NUMB: variants seen among roughly 807,000 people sequenced by gnomAD.
NUMB encodes the protein NUMB endocytic adaptor protein.
NUMB carries 29 observed loss-of-function variants against 59.7 expected under a neutral mutation model. That is an observed-to-expected ratio of 0.49 (90% CI 0.36 to 0.66). The LOEUF is 0.66. Among genes scored for constraint, NUMB ranks in the 30% least tolerant of loss-of-function variants. The pLI, the probability that NUMB is intolerant of heterozygous loss-of-function variation, is 0.00. For missense variants in NUMB, 723 were observed against 822.0 expected (o/e 0.88, Z 1.47); for synonymous variants, 288 against 288.2 (o/e 1.00, Z 0.01).
At chr14:73,369,410 T>C (rs1372341317) in intron 2 of NUMB, among the ~76,000 whole-genome samples, 4 of 152,186 alleles carry the variant, frequency 2.6e-5, no homozygotes, top group Admixed American at 6.5e-5. Flanking sequence ...CTTCAAACAC[T>C]GTACTTAGAA....
chr14:73,361,285 T>C (rs1894085360), intron 3 of NUMB, among the ~76,000 whole-genome samples: 1 of 152,206 alleles, frequency 6.6e-6, no homozygotes, highest in African/African-American at 2.4e-5. Context: ...TTGCTAAAGG[T>C]AGAAAGCATT....
chr14:73,385,308 CT>C (rs1174960370), intron 2 of NUMB, among the ~76,000 whole-genome samples: 221 of 112,292 alleles, frequency 2.0e-3, no homozygotes, highest in African/African-American at 4.8e-3. Context: ...CCAGTTAATT[CT>C]TTTTTTTTTT....
At position 73,419,905 on chromosome 14, in the gene NUMB, G is replaced by A. The variant is rs189455941; in HGVS notation, c.-232-9837C>T. On this transcript the variant is annotated intron_variant, in intron 1 of 12. Coordinates refer to ENST00000555238, the MANE Select transcript of NUMB (RefSeq NM_001005743.2). ...TTTTGAGAAAGAGTCTTGCCCTGTC[G>A]CCCAGAATGGAGTGCAGTAGTGCCA... Among the ~76,000 whole-genome samples, 465 of 152,254 alleles carry A rather than the reference G, an allele frequency of 3.1e-3. 3 individuals carry two copies. Among genetic ancestry groups the A allele is most frequent in the African/African-American group, 0.01 (425 of 41,568 alleles).
chr14:73,421,946 C>G (rs1032826409), intron 1 of NUMB, among the ~76,000 whole-genome samples: 8 of 152,108 alleles, frequency 5.3e-5, no homozygotes, highest in Non-Finnish European at 8.8e-5. Context: ...TGAGCCCAGC[C>G]TGGCCAACAT....
In NUMB at chr14:73,287,127, A is replaced by T. The variant is rs906009569; in HGVS notation, c.638T>A (p.Met213Lys). The change falls in exon 9 of 13, where the codon ATG (methionine) becomes AAG (lysine). Residue 213 changes from methionine to lysine, a missense_variant. Physicochemically the swap from Met to Lys is moderately conservative, Grantham distance 95. Transcript: ENST00000555238. Reference protein sequence around the residue: ...QAEREEIMKQMQDAKKAETDK... With the variant: ...QAEREEIMKQKQDAKKAETDK... Reference sequence around the variant, plus strand: ...GATTGTACCTTTCTTGGCATCTTGCATTTGTTTCATGATCTCCTCTCTTTC... The same window carrying T: ...GATTGTACCTTTCTTGGCATCTTGCTTTTGTTTCATGATCTCCTCTCTTTC... 6.2e-7 allele frequency: 1 copy of T among 1,613,864 alleles called. No individual in the cohort carries two copies. The highest frequency in any genetic ancestry group is 1.3e-5 in the African/African-American group (1 of 74,886).
chr14:73,279,164 A>C, intron 12 of NUMB, 117 bp downstream of exon 12: 1 of 1,126,118 alleles, frequency 8.9e-7, no homozygotes, highest in Non-Finnish European at 1.3e-6. Flanking sequence ...CTAGGAGGGA[A>C]CATAGTTTTC....
At position 73,369,364 on chromosome 14, in the gene NUMB, T is replaced by C. The variant is rs775366747; in HGVS notation, c.-100-2383A>G. ...CCCTAGAACATTTTCAAAAAGAAAT[T>C]TGACAATAATAGCCATATCTTCAAT... On this transcript the variant is annotated intron_variant, in intron 2 of 12. Coordinates refer to ENST00000555238, the MANE Select transcript of NUMB (RefSeq NM_001005743.2). Among the ~76,000 whole-genome samples, 84 of 152,262 alleles carry C rather than the reference T, an allele frequency of 5.5e-4. 1 individual carries two copies. Among genetic ancestry groups the C allele is most frequent in the Admixed American group, 1.4e-3 (21 of 15,258 alleles).
chr14:73,334,742 C>T (rs1484925417), intron 4 of NUMB, among the ~76,000 whole-genome samples: 2 of 151,830 alleles, frequency 1.3e-5, no homozygotes, highest in Non-Finnish European at 2.9e-5. Context: ...GTCAGGAGTT[C>T]GAGACCAACC....
chr14:73,448,985 A>T (rs1424545808), intron 1 of NUMB, among the ~76,000 whole-genome samples: 1 of 143,368 alleles, frequency 7.0e-6, no homozygotes, highest in African/African-American at 2.5e-5. Context: ...TCTTGCATCA[A>T]ATATATTCGG....
At chr14:73,383,980 G>A (rs1204355542) in intron 2 of NUMB, among the ~76,000 whole-genome samples, 1 of 151,950 alleles carries the variant, frequency 6.6e-6, no homozygotes, top group Non-Finnish European at 1.5e-5. Context: ...TCATGCCACT[G>A]CACTCCAGCC....
At chr14:73,359,271 A>G (rs991009362) in intron 3 of NUMB, among the ~76,000 whole-genome samples, 9 of 152,178 alleles carry the variant, frequency 5.9e-5, no homozygotes, top group African/African-American at 2.2e-4. Context: ...ACTTGAACCC[A>G]GGAGGCAGAG....
At chr14:73,326,318 T>G (rs1324254248) in intron 4 of NUMB, among the ~76,000 whole-genome samples, 1 of 151,928 alleles carries the variant, frequency 6.6e-6, no homozygotes, top group Admixed American at 6.6e-5. Context: ...AGAATAGCAT[T>G]GCAGAGGCTT....
intron 2 of NUMB, among the ~76,000 whole-genome samples, chr14:73,386,695 A>C (rs1421657523): frequency 6.6e-6 from 1 of 152,136 alleles, no homozygotes; most frequent in African/African-American, 2.4e-5. Context: ...GAAAATTCCC[A>C]TTCAACATTT....
chr14:73,454,121 G>C (rs1273240850), intron 1 of NUMB, among the ~76,000 whole-genome samples: 2 of 151,772 alleles, frequency 1.3e-5, no homozygotes, highest in African/African-American at 4.8e-5. Context: ...CTGGGTGACA[G>C]GACCAATCAT....
chr14:73,297,163 A>G, intron 7 of NUMB, 48 bp downstream of exon 7: 1 of 1,296,512 alleles, frequency 7.7e-7, no homozygotes, highest in South Asian at 1.2e-5. Flanking sequence ...GTGAAACTCC[A>G]TCTCCAAAAA....
chr14:73,450,904 C>A (rs1038496114), intron 1 of NUMB, among the ~76,000 whole-genome samples: 1 of 152,002 alleles, frequency 6.6e-6, no homozygotes, highest in African/African-American at 2.4e-5. Flanking sequence ...GTAATCCCAG[C>A]ACTTTGGGAG....
chr14:73,415,140 T>C (rs1258333796), intron 1 of NUMB, among the ~76,000 whole-genome samples: 3 of 152,046 alleles, frequency 2.0e-5, no homozygotes, highest in South Asian at 4.1e-4. Context: ...TAGCCAACAA[T>C]GTGTTTCACT....
At chr14:73,369,586 C>G (rs2140052113) in intron 2 of NUMB, among the ~76,000 whole-genome samples, 1 of 152,316 alleles carries the variant, frequency 6.6e-6, no homozygotes, top group South Asian at 2.1e-4. Flanking sequence ...TTACATACAG[C>G]TGACTAACAA....
At chr14:73,347,201 C>T (rs997992449) in intron 4 of NUMB, among the ~76,000 whole-genome samples, 1 of 152,082 alleles carries the variant, frequency 6.6e-6, no homozygotes, top group African/African-American at 2.4e-5. Context: ...TAACCCCCCA[C>T]CCCACACTCA....
Sources: gnomAD v4.1 joint callset for allele counts (sites outside exome capture counted in the v4.1 genomes callset) on GRCh38, gnomAD v4.1.1 for gene constraint, MANE v1.5 for transcripts, NCBI Gene and HGNC (gene_info 2026-07-23, HGNC 2026-07-21) for gene names.